The following TCF4 variants were observed in gnomAD, a reference collection of about 807,000 sequenced individuals.
The protein encoded by TCF4 is transcription factor 4.
A neutral mutation model predicts 82.1 loss-of-function variants in TCF4; 3 were observed. The observed-to-expected ratio is 0.04, with a 90% CI of 0.02 to 0.09. TCF4 has a LOEUF of 0.09. Among genes scored for constraint, TCF4 ranks in the 10% least tolerant of loss-of-function variants. The pLI is 1.00. For missense variants in TCF4, 518 were observed against 852.7 expected (o/e 0.61, Z 4.89); for synonymous variants, 276 against 309.6 (o/e 0.89, Z 1.14).
chr18:55,597,234 C>T (rs934390711), intron 2 of TCF4, among the ~76,000 whole-genome samples: 1 of 152,160 alleles, frequency 6.6e-6, no homozygotes, highest in Non-Finnish European at 1.5e-5. Flanking sequence ...AATGTGAGAA[C>T]AGTCTAATGC....
intron 15 of TCF4, among the ~76,000 whole-genome samples, chr18:55,240,074 G>A (rs2144903617): frequency 6.6e-6 from 1 of 152,248 alleles, no homozygotes; most frequent in East Asian, 1.9e-4. Flanking sequence ...GGGAACTTTA[G>A]GAAACTTGTC....
chr18:55,629,250 C>T (rs2148001191), intron 2 of TCF4, among the ~76,000 whole-genome samples: 1 of 152,278 alleles, frequency 6.6e-6, no homozygotes, highest in African/African-American at 2.4e-5. Context: ...TCAATTGAGA[C>T]ACTCCTACTG....
At chr18:55,492,794 C>T (rs753644575) in intron 3 of TCF4, among the ~76,000 whole-genome samples, 6 of 152,184 alleles carry the variant, frequency 3.9e-5, no homozygotes, top group Non-Finnish European at 8.8e-5. Context: ...CTAAACTCAC[C>T]TCTCCTTAAC....
At chr18:55,312,418 T>G (rs1284602151) in intron 8 of TCF4, among the ~76,000 whole-genome samples, 1 of 152,186 alleles carries the variant, frequency 6.6e-6, no homozygotes, top group Non-Finnish European at 1.5e-5. Context: ...TTCTCATCTG[T>G]TTTTCCTTTT....
chr18:55,635,529 AAAAG>A (rs1414082413), intron 1 of TCF4, among the ~76,000 whole-genome samples: 1 of 151,982 alleles, frequency 6.6e-6, no homozygotes, highest in African/African-American at 2.4e-5. Flanking sequence ...AAAGAAAAGA[AAAAG>A]AAAAAAAGAA....
intron 6 of TCF4, among the ~76,000 whole-genome samples, chr18:55,383,679 G>A (rs772822071): frequency 2.6e-5 from 4 of 152,230 alleles, no homozygotes; most frequent in Non-Finnish European, 4.4e-5. Flanking sequence ...GGCAGTCCAC[G>A]TTACTACGGG....
intron 3 of TCF4, among the ~76,000 whole-genome samples, chr18:55,521,850 C>T (rs1421703924): frequency 6.6e-6 from 1 of 152,150 alleles, no homozygotes; most frequent in East Asian, 1.9e-4. Context: ...TACTGGAAGA[C>T]CGCTGCCTTC....
intron 2 of TCF4, chr18:55,596,114 C>T (rs1035975548): frequency 1.1e-5 from 5 of 437,810 alleles, no homozygotes; most frequent in African/African-American, 6.2e-5. Context: ...ACGCCTATCC[C>T]GGGTACTCAG....
chr18:55,426,099 T>TATA (rs2094967242), intron 5 of TCF4, among the ~76,000 whole-genome samples: 1 of 139,118 alleles, frequency 7.2e-6, no homozygotes, highest in Non-Finnish European at 1.5e-5. Context: ...ACAAAAAATT[T>TATA]TATATATATA....
At chr18:55,488,986 C>T (rs1443224984) in intron 3 of TCF4, among the ~76,000 whole-genome samples, 1 of 152,156 alleles carries the variant, frequency 6.6e-6, no homozygotes, top group African/African-American at 2.4e-5. Context: ...ATCTCTGTGG[C>T]AGTTCATTCT....
chr18:55,485,910 A>AGAGC (rs1366173156), intron 3 of TCF4, among the ~76,000 whole-genome samples: 1 of 152,214 alleles, frequency 6.6e-6, no homozygotes, highest in Non-Finnish European at 1.5e-5. Context: ...TGTGTTCCCC[A>AGAGC]GAGCTTCATA....
At chr18:55,362,339 GAGGAAGGAAGGAAGGAAGGA>G (rs765447444) in intron 6 of TCF4, among the ~76,000 whole-genome samples, 42 of 68,570 alleles carry the variant, frequency 6.1e-4, no homozygotes, top group South Asian at 3.9e-3. Flanking sequence ...AAAAAAAAAA[GAGGAAGGAAGGAAGGAAGGA>G]AGGAAGGAAG....
chr18:55,284,004 C>T (rs2063160768), intron 8 of TCF4, among the ~76,000 whole-genome samples: 1 of 152,054 alleles, frequency 6.6e-6, no homozygotes, highest in African/African-American at 2.4e-5. Context: ...TAATTCCTTG[C>T]TTTTAAAGGG....
chr18:55,269,811 T>C lies in TCF4; in HGVS notation c.922+20A>G, dbSNP rs765064116. 1.8e-5 allele frequency: 29 copies of C among 1,612,806 alleles called. No homozygotes were observed. In the Middle Eastern group the frequency reaches 9.9e-4, roughly 55 times the overall value. ...CTGACACCAATTGTTGGTATCAGAATTGGCATTTCTGTGACTCACCCATTA... is the reference window on the plus strand; with the variant it reads ...CTGACACCAATTGTTGGTATCAGAACTGGCATTTCTGTGACTCACCCATTA... On this transcript the variant is annotated intron_variant, in intron 11 of 19. Coordinates refer to ENST00000354452, the MANE Select transcript of TCF4 (RefSeq NM_001083962.2).
At chr18:55,621,290 T>C (rs1363096859) in intron 2 of TCF4, among the ~76,000 whole-genome samples, 1 of 150,116 alleles carries the variant, frequency 6.7e-6, no homozygotes, top group Non-Finnish European at 1.5e-5. Flanking sequence ...TCAGGCCTAA[T>C]GCACAGTAAA....
intron 17 of TCF4, 95 bp from the exon 18 acceptor site, chr18:55,229,171 T>C (rs1024398270): frequency 2.1e-6 from 3 of 1,439,926 alleles, no homozygotes; most frequent in African/African-American, 2.8e-5. Context: ...TCAGGGAACT[T>C]TTCCATCTTA....
intron 2 of TCF4, among the ~76,000 whole-genome samples, chr18:55,610,056 G>A (rs901637253): frequency 4.6e-5 from 7 of 151,580 alleles, no homozygotes; most frequent in South Asian, 2.1e-4. Context: ...TCTTCACCTA[G>A]TAGCACCTAG....
rs1347218962 is a variant in TCF4 at position 55,586,153 on chromosome 18, G to GAGAAGC, written c.73-802_73-801insGCTTCT. ...GGAGGAGAAGGAGGAGGAGGAGGAG[G>GAGAAGC]AGCAGCAGCAGCAGCAGCAGCAGCA... is the stretch of plus-strand genomic sequence containing the variant. On this transcript the variant is annotated intron_variant, in intron 2 of 19. Transcript: ENST00000354452. The GAGAAGC allele has an allele frequency of 5.2e-4, 370 of 708,156 alleles. 4 individuals are homozygous for GAGAAGC. In the African/African-American group the frequency reaches 6.0e-3, roughly 12 times the overall value. 43.9% of individuals were successfully genotyped at this position (708,156 alleles called of 1,614,324 possible). A position where few individuals can be genotyped will look rare whatever the true frequency, so the allele number is the denominator to read the frequency against.
chr18:55,284,673 A>T (rs1352704627), intron 8 of TCF4, among the ~76,000 whole-genome samples: 1 of 152,188 alleles, frequency 6.6e-6, no homozygotes. Context: ...AAGAAAAATC[A>T]GTTCAGAATC....
Sources: gnomAD v4.1 joint callset for allele counts (sites outside exome capture counted in the v4.1 genomes callset) on GRCh38, gnomAD v4.1.1 for gene constraint, MANE v1.5 for transcripts, NCBI Gene and HGNC (gene_info 2026-07-23, HGNC 2026-07-21) for gene names.